CSMD1: variants seen among roughly 807,000 people sequenced by gnomAD.
CSMD1 encodes CUB and Sushi multiple domains 1.
A neutral mutation model predicts 417.5 loss-of-function variants in CSMD1; 213 were observed. That is an observed-to-expected ratio of 0.51 (90% CI 0.46 to 0.57). The LOEUF (loss-of-function observed/expected upper bound fraction) is 0.57. CSMD1 is among the 20% of genes least tolerant of loss of function. CSMD1 has a pLI of 0.00. For synonymous variants in CSMD1, 2,862 were observed against 1,736.8 expected, an observed-to-expected ratio of 1.65 and a Z score of -16.11; for missense variants, 6,923 against 4,529.7, an observed-to-expected ratio of 1.53 and a Z score of -15.17.
chr8:4,980,125 C>A (rs529017717), intron 1 of CSMD1, among the ~76,000 whole-genome samples: 1 of 152,314 alleles, frequency 6.6e-6, no homozygotes, highest in Non-Finnish European at 1.5e-5. Flanking sequence ...TCGTTACTTC[C>A]TATACAAAGC....
intron 1 of CSMD1, among the ~76,000 whole-genome samples, chr8:4,919,610 A>G (rs1047017957): frequency 1.3e-5 from 2 of 152,324 alleles, no homozygotes; most frequent in Admixed American, 6.5e-5. Flanking sequence ...TGTAGTAACA[A>G]TTTGTACCAT....
chr8:4,298,641 T>G (rs1378421065), intron 3 of CSMD1, among the ~76,000 whole-genome samples: 1 of 152,110 alleles, frequency 6.6e-6, no homozygotes, highest in Non-Finnish European at 1.5e-5. Context: ...ACATCACAAT[T>G]TAGTTTTAAT....
At position 4,805,395 on chromosome 8, in the gene CSMD1, A is replaced by G. The variant is rs114946584; in HGVS notation, c.86-167837T>C. Among the ~76,000 whole-genome samples the G allele has an allele frequency of 3.9e-3, 596 of 152,234 alleles. 6 individuals carry two copies. The highest frequency in any genetic ancestry group is 0.014 in the African/African-American group (575 of 41,548). On this transcript the variant is annotated intron_variant, in intron 1 of 69. Transcript: ENST00000635120. Reference sequence around the variant, plus strand: ...TTCTCATGGTGATCTAATGTGATAAATTATTTCTTGGTCTTCATGTGACCG... The same window carrying G: ...TTCTCATGGTGATCTAATGTGATAAGTTATTTCTTGGTCTTCATGTGACCG...
intron 26 of CSMD1, among the ~76,000 whole-genome samples, chr8:3,260,034 G>A (rs560826806): frequency 2.6e-5 from 4 of 152,014 alleles, no homozygotes; most frequent in African/African-American, 7.2e-5. Context: ...CAGGGAAAAG[G>A]TTTGCTCCTC....
chr8:3,107,617 AC>A, intron 45 of CSMD1, 100 bp downstream of exon 45: 1 of 663,254 alleles, frequency 1.5e-6, no homozygotes, highest in Non-Finnish European at 2.5e-6. Context: ...TGTTTCTCTG[AC>A]AAATTACTCA....
At chr8:3,851,230 A>C (rs1360760224) in intron 5 of CSMD1, among the ~76,000 whole-genome samples, 1 of 152,236 alleles carries the variant, frequency 6.6e-6, no homozygotes, top group East Asian at 1.9e-4. Context: ...TATTTGAAAT[A>C]ATGAATTTGC....
At chr8:4,101,921 C>G (rs942888437) in intron 3 of CSMD1, among the ~76,000 whole-genome samples, 1 of 152,110 alleles carries the variant, frequency 6.6e-6, no homozygotes, top group African/African-American at 2.4e-5. Context: ...CAGCATTTTC[C>G]CAGTGGACTT....
chr8:3,755,786 G>GT (rs1366734989), intron 5 of CSMD1, among the ~76,000 whole-genome samples: 1 of 152,104 alleles, frequency 6.6e-6, no homozygotes, highest in Non-Finnish European at 1.5e-5. Flanking sequence ...TTACAACAGT[G>GT]TTTATGCCAC....
At chr8:3,847,649 C>T (rs968461565) in intron 5 of CSMD1, among the ~76,000 whole-genome samples, 2 of 152,102 alleles carry the variant, frequency 1.3e-5, no homozygotes, top group Non-Finnish European at 2.9e-5. Flanking sequence ...GGATGCACTG[C>T]CTTCAGCTGC....
intron 52 of CSMD1, among the ~76,000 whole-genome samples, chr8:3,013,452 A>G (rs528535765): frequency 9.2e-5 from 14 of 152,318 alleles, no homozygotes; most frequent in African/African-American, 3.4e-4. Flanking sequence ...CTGTCAGAGT[A>G]ATATCAAAAA....
Position 4,295,577 on chromosome 8 carries a change from G to A in CSMD1, c.415+124376C>T, listed in dbSNP as rs370442908. On this transcript the variant is annotated intron_variant, in intron 3 of 69. Coordinates refer to ENST00000635120, the MANE Select transcript of CSMD1 (RefSeq NM_033225.6). ...TAAGATTATATGTCATCTTTTTAAG[G>A]GCTTATTAAGGGCTTAAGATTATAT... Among the ~76,000 whole-genome samples the A allele has an allele frequency of 8.7e-5, 12 of 137,368 alleles. No individual in the cohort carries two copies. In the East Asian group the frequency reaches 1.3e-3, roughly 15 times the overall value. The allele number at this position is 137,368 out of a possible 152,430, so 90.1% of individuals were successfully genotyped here. A position where few individuals can be genotyped will look rare whatever the true frequency, so the allele number is the denominator to read the frequency against.
chr8:3,531,782 A>G (rs1252016481), intron 10 of CSMD1, among the ~76,000 whole-genome samples: 1 of 152,212 alleles, frequency 6.6e-6, no homozygotes, highest in Non-Finnish European at 1.5e-5. Flanking sequence ...GGCTGCAAAC[A>G]TAGATAAGCA....
intron 3 of CSMD1, among the ~76,000 whole-genome samples, chr8:4,075,036 G>C (rs551984653): frequency 6.6e-6 from 1 of 152,216 alleles, no homozygotes; most frequent in Non-Finnish European, 1.5e-5. Context: ...AATAACCCCA[G>C]TATGAATGAT....
intron 2 of CSMD1, among the ~76,000 whole-genome samples, chr8:4,499,344 G>C (rs549858439): frequency 6.6e-6 from 1 of 152,296 alleles, no homozygotes; most frequent in East Asian, 1.9e-4. Context: ...ATGGGGAAGT[G>C]TGAGCTCTTC....
intron 7 of CSMD1, among the ~76,000 whole-genome samples, chr8:3,683,998 A>G (rs1411798066): frequency 6.6e-6 from 1 of 151,366 alleles, no homozygotes; most frequent in Admixed American, 6.6e-5. Context: ...AACTCATTAG[A>G]ACACATTCAA....
At chr8:3,782,223 C>A (rs980997233) in intron 5 of CSMD1, among the ~76,000 whole-genome samples, 3 of 152,124 alleles carry the variant, frequency 2.0e-5, no homozygotes, top group Admixed American at 6.5e-5. Context: ...AGGACAGAAT[C>A]TATGTCAGTC....
chr8:3,168,631 T>TCACACACA (rs59927132), intron 37 of CSMD1, among the ~76,000 whole-genome samples: 5,102 of 148,882 alleles, frequency 0.034, 314 homozygotes, highest in East Asian at 0.2. Flanking sequence ...TAAGTCTTCA[T>TCACACACA]CACACACACA....
intron 2 of CSMD1, among the ~76,000 whole-genome samples, chr8:4,509,302 A>T (rs571713979): frequency 3.9e-5 from 6 of 152,148 alleles, no homozygotes; most frequent in Non-Finnish European, 7.3e-5. Context: ...AGATTGGAAG[A>T]TGTTTCCTCC....
intron 10 of CSMD1, among the ~76,000 whole-genome samples, chr8:3,498,066 A>G (rs901851518): frequency 5.9e-5 from 9 of 152,106 alleles, no homozygotes; most frequent in Non-Finnish European, 1.5e-5. Context: ...TTTGCTGGGT[A>G]TAGTATTCTT....
Sources: gnomAD v4.1 joint callset for allele counts (sites outside exome capture counted in the v4.1 genomes callset) on GRCh38, gnomAD v4.1.1 for gene constraint, MANE v1.5 for transcripts, NCBI Gene and HGNC (gene_info 2026-07-23, HGNC 2026-07-21) for gene names.